The following MYRF variants were observed in gnomAD, a reference collection of about 807,000 sequenced individuals.
MYRF encodes the protein myelin regulatory factor, also known as myelin gene regulatory factor.
Under a neutral mutation model 126.3 loss-of-function variants are expected in MYRF, and 16 were observed. The ratio of observed to expected loss-of-function variants is 0.13; its 90% CI spans 0.09 to 0.19. The LOEUF (loss-of-function observed/expected upper bound fraction) is 0.19, where lower values mean the gene tolerates loss of function less well. Ranked by LOEUF, MYRF falls within the 10% of genes least tolerant of loss-of-function variation. The pLI, the probability that MYRF is intolerant of heterozygous loss-of-function variation, is 1.00. For missense variants in MYRF, 1,104 were observed against 1,547.0 expected (o/e 0.71, Z 4.80); for synonymous variants, 608 against 635.3 (o/e 0.96, Z 0.65).
Position 61,781,718 on chromosome 11 carries a change from C to G in MYRF, c.2910C>G (p.Gly970=). ...CAGTCCCCTTCCCTGGGGGGCAGGG[C>G]AAAGCCAAGAACAGTCCCAGCCTTG... ...SPAVPFPGGQ[G]KAKNSPSLGF... The change falls in exon 22 of 27, where the codon GGC becomes GGG. Residue 970 remains glycine (G), a synonymous_variant. Coordinates refer to ENST00000278836, the MANE Select transcript of MYRF (RefSeq NM_001127392.3). The G allele has an allele frequency of 6.2e-7, 1 of 1,613,362 alleles. No homozygotes were observed. Among genetic ancestry groups the G allele is most frequent in the Non-Finnish European group, 8.5e-7 (1 of 1,180,004 alleles).
chr11:61,786,308 T>C lies in MYRF; in HGVS notation c.*165T>C. 1.4e-6 allele frequency: 1 copy of C among 692,994 alleles called. No homozygotes were observed. The highest frequency in any genetic ancestry group is 2.7e-5 in the East Asian group (1 of 36,824). The allele number at this position is 692,994 out of a possible 1,614,324, so 42.9% of individuals were successfully genotyped here. A position where few individuals can be genotyped will look rare whatever the true frequency, so the allele number is the denominator to read the frequency against. On this transcript the variant is annotated 3_prime_UTR_variant, in exon 27 of 27. Transcript: ENST00000278836. The surrounding 1 kb of genome is among the most constrained non-coding windows in gnomAD (Gnocchi z 4.5). ...GGAAGTCTTCACACTGGAGTTGCTG[T>C]TCCAGCTGGTCGCCCCTCACGGCAC... is the stretch of plus-strand genomic sequence containing the variant.
chr11:61,760,645 G>C (rs935680840), intron 1 of MYRF, among the ~76,000 whole-genome samples: 1 of 152,152 alleles, frequency 6.6e-6, no homozygotes, highest in Non-Finnish European at 1.5e-5. Flanking sequence ...GGCAGGAAAG[G>C]AGATGGGAGT....
Position 61,777,148 on chromosome 11 carries a change from C to A in MYRF, c.1591-116C>A. ...GGGACAGTTCAAGTTGGGCTTGGTG[C>A]AGTGAGAAACCCTGGCTGGAAGGGG... On this transcript the variant is annotated intron_variant, in intron 11 of 26. Transcript: ENST00000278836. The surrounding 1 kb of genome is among the most constrained non-coding windows in gnomAD (Gnocchi z 8.8). The A allele has an allele frequency of 9.0e-7, 1 of 1,112,422 alleles. No homozygotes were observed. The highest frequency in any genetic ancestry group is 1.3e-6 in the Non-Finnish European group (1 of 778,068). 68.9% of individuals were successfully genotyped at this position (1,112,422 alleles called of 1,614,324 possible). A position where few individuals can be genotyped will look rare whatever the true frequency, so the allele number is the denominator to read the frequency against.
Position 61,757,405 on chromosome 11 carries a change from C to T in MYRF, c.46+4615C>T, listed in dbSNP as rs774057156. The T allele has an allele frequency of 4.4e-6, 2 of 451,708 alleles. No individual in the cohort carries two copies. The highest frequency in any genetic ancestry group is 3.1e-5 in the South Asian group (2 of 64,368). 28.0% of individuals were successfully genotyped at this position (451,708 alleles called of 1,614,324 possible). A position where few individuals can be genotyped will look rare whatever the true frequency, so the allele number is the denominator to read the frequency against. ...CAGTTGTAATGGCAGGGCCTCCGTC[C>T]CAGGGTTTCTGGGGTGATTAGGTAA... On this transcript the variant is annotated intron_variant, in intron 1 of 26. Transcript: ENST00000278836. This position sits in a 1 kb window ranked among gnomAD's most constrained non-coding sequence, Gnocchi z 4.7.
At chr11:61,769,158 G>C (rs2066139565) in intron 3 of MYRF, 102 bp from the exon 4 acceptor site, 1 of 679,694 alleles carries the variant, frequency 1.5e-6, no homozygotes, top group Non-Finnish European at 2.6e-6. Flanking sequence ...AGTGTCGCCA[G>C]CTTCTGGGGG....
chr11:61,777,395 C>T lies in MYRF; in HGVS notation c.1722C>T (p.His574=). 11 of 1,613,860 alleles carry T rather than the reference C, an allele frequency of 6.8e-6. No homozygotes were observed. The highest frequency in any genetic ancestry group is 9.3e-6 in the Non-Finnish European group (11 of 1,179,998). The change falls in exon 12 of 27, where the codon CAC becomes CAT. Residue 574 remains histidine, a synonymous_variant. Coordinates refer to ENST00000278836, the MANE Select transcript of MYRF (RefSeq NM_001127392.3). This position sits in a 1 kb window ranked among gnomAD's most constrained non-coding sequence, Gnocchi z 8.8. ...GGCCGGATGAGGCGCTGGTTGTGCA[C>T]GGGAATGTCAAGGTCATGGGCTCGC... is the stretch of plus-strand genomic sequence containing the variant. ...TDRPDEALVV[H]GNVKVMGSLM... is the part of the protein sequence containing the mutation.
chr11:61,785,554 G>T, intron 25 of MYRF: 1 of 564,590 alleles, frequency 1.8e-6, no homozygotes, highest in South Asian at 2.1e-5. Flanking sequence ...AACAGGACTG[G>T]GAAGGAGGCA....
At chr11:61,769,140 G>A (rs461774) in intron 3 of MYRF, 120 bp from the exon 4 acceptor site, 6 of 637,536 alleles carry the variant, frequency 9.4e-6, no homozygotes, top group South Asian at 1.9e-5. Flanking sequence ...TGGATGTGAC[G>A]AAACCTCAGT....
intron 8 of MYRF, 74 bp from the exon 9 acceptor site, chr11:61,775,982 G>A (rs957516416): frequency 2.1e-6 from 3 of 1,445,994 alleles, no homozygotes; most frequent in Non-Finnish European, 2.9e-6. Context: ...GCCAGGCCTG[G>A]CTGAGAGGGG....
chr11:61,780,808 C>T lies in MYRF; in HGVS notation c.2486+16C>T, dbSNP rs778902549. ...TGTGCCCATGGTACGTGCTGACCAG[C>T]GCCCCTCTCCTCTGGCTCCTGCTGC... On this transcript the variant is annotated intron_variant, in intron 19 of 26. Transcript: ENST00000278836. 3.1e-4 allele frequency: 482 copies of T among 1,545,918 alleles called. 1 individual carries two copies. The highest frequency in any genetic ancestry group is 3.7e-4 in the Non-Finnish European group (425 of 1,149,322).
Position 61,765,943 on chromosome 11 carries a change from C to G in MYRF, c.135-15C>G. ...GGGGTCCTGGCTGGAGCTGAGCCGC[C>G]CCCCTTCCCCGCAGCTGCTTCCCTG... On this transcript the variant is annotated splice_polypyrimidine_tract_variant and intron_variant, in intron 2 of 26. Coordinates refer to ENST00000278836, the MANE Select transcript of MYRF (RefSeq NM_001127392.3). The G allele has an allele frequency of 6.7e-7, 1 of 1,487,758 alleles. No homozygotes were observed. Among genetic ancestry groups the G allele is most frequent in the Non-Finnish European group, 8.9e-7 (1 of 1,121,016 alleles). The allele number at this position is 1,487,758 out of a possible 1,614,324, so 92.2% of individuals were successfully genotyped here.
intron 1 of MYRF, among the ~76,000 whole-genome samples, chr11:61,756,155 T>C (rs952529413): frequency 6.6e-6 from 1 of 152,154 alleles, no homozygotes; most frequent in Non-Finnish European, 1.5e-5. Context: ...AGCACCAGGA[T>C]ACTGGTTTGA....
At chr11:61,752,828 G>C in intron 1 of MYRF, 38 bp downstream of exon 1, 1 of 1,479,524 alleles carries the variant, frequency 6.8e-7, no homozygotes, top group South Asian at 1.3e-5. Flanking sequence ...ACCCTCTGGC[G>C]CTGGGAACCC....
intron 8 of MYRF, 143 bp from the exon 9 acceptor site, chr11:61,775,913 T>C: frequency 2.8e-6 from 2 of 718,996 alleles, no homozygotes; most frequent in East Asian, 5.3e-5. Flanking sequence ...GCATCTGAGC[T>C]TGTGGGAATC....
At chr11:61,764,439 G>A (rs1362698842) in intron 1 of MYRF, among the ~76,000 whole-genome samples, 1 of 152,238 alleles carries the variant, frequency 6.6e-6, no homozygotes, top group Non-Finnish European at 1.5e-5. Flanking sequence ...AGGAGACTGA[G>A]GCGCAGAGAG....
At chr11:61,752,871 G>C in intron 1 of MYRF, 81 bp downstream of exon 1, 1 of 1,327,672 alleles carries the variant, frequency 7.5e-7, no homozygotes, top group Admixed American at 3.1e-5. Context: ...GGGGCTCCTC[G>C]CTGTGTTTCC....
At chr11:61,771,806 A>G (rs1463686211) in intron 6 of MYRF, 23 bp from the exon 7 acceptor site, 1 of 1,613,888 alleles carries the variant, frequency 6.2e-7, no homozygotes, top group Admixed American at 1.7e-5. Flanking sequence ...TGCAGGGCCC[A>G]CATGGGCGTT....
At chr11:61,766,456 G>T in intron 3 of MYRF, 2 of 496,438 alleles carry the variant, frequency 4.0e-6, no homozygotes, top group Non-Finnish European at 7.0e-6. Context: ...AGTGATGAGG[G>T]CTGACGTAAG....
chr11:61,781,716 G>A lies in MYRF; in HGVS notation c.2908G>A (p.Gly970Ser), dbSNP rs1184381195. ...TGCAGTCCCCTTCCCTGGGGGGCAGGGCAAAGCCAAGAACAGTCCCAGCCT... is the reference window on the plus strand; with the variant it reads ...TGCAGTCCCCTTCCCTGGGGGGCAGAGCAAAGCCAAGAACAGTCCCAGCCT... ...SPAVPFPGGQ[G>S]KAKNSPSLGF... The change falls in exon 22 of 27, where the codon GGC becomes AGC. Residue 970 changes from glycine (G) to serine (S), a missense_variant. By Grantham distance (56) the Gly-to-Ser change is moderately conservative. Around this residue, in one of 10 missense-constraint regions of MYRF, gnomAD observed 323 missense variants for 383.1 expected, o/e 0.84. Coordinates refer to ENST00000278836, the MANE Select transcript of MYRF (RefSeq NM_001127392.3). 12 of 1,613,286 alleles carry A rather than the reference G, an allele frequency of 7.4e-6. No individual in the cohort carries two copies. In the South Asian group the frequency reaches 1.1e-4, roughly 15 times the overall value.
Sources: gnomAD v4.1 joint callset for allele counts (sites outside exome capture counted in the v4.1 genomes callset) on GRCh38, gnomAD v4.1.1 for gene constraint, gnomAD v4.1.1 regional missense constraint, Gnocchi (gnomAD v3.1) non-coding constraint, MANE v1.5 for transcripts, NCBI Gene and HGNC (gene_info 2026-07-23, HGNC 2026-07-21) for gene names.